MTCH1: variants seen among roughly 807,000 people sequenced by gnomAD.
MTCH1 encodes the protein mitochondrial carrier homolog 1.
A neutral mutation model predicts 49.3 loss-of-function variants in MTCH1; 23 were observed. The ratio of observed to expected loss-of-function variants is 0.47; its 90% CI spans 0.34 to 0.66. The LOEUF is 0.66. Among genes scored for constraint, MTCH1 ranks in the 30% least tolerant of loss-of-function variants. The probability of loss-of-function intolerance (pLI) is 0.01; values close to 1 mark genes in which losing one functional copy is unlikely to be tolerated. For synonymous variants in MTCH1, 229 were observed against 215.2 expected, an observed-to-expected ratio of 1.06 and a Z score of -0.56; for missense variants, 397 against 532.1, an observed-to-expected ratio of 0.75 and a Z score of 2.50.
rs189468192 is a variant in MTCH1 at position 36,984,060 on chromosome 6, A to C, written c.321+1793T>G. ...TTTCAAACCAGATCTGCCATCATCC[A>C]AATGATGAAGCCACTTCTTCATTTC... is the stretch of plus-strand genomic sequence containing the variant. On this transcript the variant is annotated intron_variant, in intron 1 of 11. Coordinates refer to ENST00000373627, the MANE Select transcript of MTCH1 (RefSeq NM_001271641.2). Among the ~76,000 whole-genome samples the C allele has an allele frequency of 4.9e-4, 74 of 152,196 alleles. No individual in the cohort carries two copies. The East Asian group carries it at 0.012, about 25-fold the overall frequency.
In MTCH1 at chr6:36,972,864, A is replaced by G. The variant is rs1763731572; in HGVS notation, c.762-68T>C. On this transcript the variant is annotated intron_variant, in intron 7 of 11. Transcript: ENST00000373627. This position sits in a 1 kb window ranked among gnomAD's most constrained non-coding sequence, Gnocchi z 4.1. ...AGCAGTTCCTGGGGGCTCCACACCC[A>G]GGAAGCAGGCAGGGATGTTCCGAGC... 2.1e-6 allele frequency: 3 copies of G among 1,455,926 alleles called. No individual in the cohort carries two copies. The highest frequency in any genetic ancestry group is 2.8e-6 in the Non-Finnish European group (3 of 1,071,864). The allele number at this position is 1,455,926 out of a possible 1,614,324, so 90.2% of individuals were successfully genotyped here.
At position 36,984,385 on chromosome 6, in the gene MTCH1, CT is replaced by C. The variant is rs1289355873; in HGVS notation, c.321+1467del. Among the ~76,000 whole-genome samples, 3 of 152,292 alleles carry C rather than the reference CT, an allele frequency of 2.0e-5. No individual in the cohort carries two copies. The East Asian group carries it at 5.8e-4, about 29-fold the overall frequency. On this transcript the variant is annotated intron_variant, in intron 1 of 11. Coordinates refer to ENST00000373627, the MANE Select transcript of MTCH1 (RefSeq NM_001271641.2). ...GGTCTAGTCAGGCACCTTGATGCCC[CT>C]GACTGAATCTCCTCATTCCTTGTCA...
chr6:36,971,959 G>A (rs1408908702), intron 8 of MTCH1, among the ~76,000 whole-genome samples: 1 of 152,168 alleles, frequency 6.6e-6, no homozygotes, highest in African/African-American at 2.4e-5. Context: ...CTGTGTAGAA[G>A]GACCAGGCCT....
rs1763647751 is a variant in MTCH1, at chr6:36,970,553, C to A, written c.955-80G>T. 8.7e-6 allele frequency: 14 copies of A among 1,607,306 alleles called. No individual in the cohort carries two copies. The African/African-American group carries it at 9.4e-5, about 11-fold the overall frequency. ...GACACACCACGCCAACACCCTGTAC[C>A]AAGACCTGCCTCCAGCCATTACCAG... is the stretch of plus-strand genomic sequence containing the variant. On this transcript the variant is annotated intron_variant, in intron 9 of 11. Transcript: ENST00000373627.
Position 36,968,641 on chromosome 6 carries a change from C to T in MTCH1, c.*262G>A. The T allele has an allele frequency of 1.8e-6, 1 of 542,258 alleles. No homozygotes were observed. Among genetic ancestry groups the T allele is most frequent in the Non-Finnish European group, 3.6e-6 (1 of 279,694 alleles). 33.6% of individuals were successfully genotyped at this position (542,258 alleles called of 1,614,324 possible). ...TCTGCACAAGACAGACTCAGCAAATCTGCGAGGTATGGGGATTCTGCCAAC... is the reference window on the plus strand; with the variant it reads ...TCTGCACAAGACAGACTCAGCAAATTTGCGAGGTATGGGGATTCTGCCAAC... On this transcript the variant is annotated 3_prime_UTR_variant, in exon 12 of 12. Coordinates refer to ENST00000373627, the MANE Select transcript of MTCH1 (RefSeq NM_001271641.2).
intron 7 of MTCH1, 116 bp downstream of exon 7, chr6:36,975,542 A>T: frequency 1.0e-6 from 1 of 980,210 alleles, no homozygotes; most frequent in Non-Finnish European, 1.6e-6. Flanking sequence ...CACTCAGGCT[A>T]GGGCAGGGCC....
rs1481315926 is a variant in MTCH1 at position 36,968,313 on chromosome 6, A to G, written c.*590T>C. On this transcript the variant is annotated 3_prime_UTR_variant, in exon 12 of 12. Coordinates refer to ENST00000373627, the MANE Select transcript of MTCH1 (RefSeq NM_001271641.2). ...CCATTAAACAGATGAGCATTAGATG[A>G]GGAGGACACATTCTGAGTAGTTGCA... 1 of 225,064 alleles carries G rather than the reference A, an allele frequency of 4.4e-6. No individual in the cohort carries two copies. The highest frequency in any genetic ancestry group is 1.1e-4 in the East Asian group (1 of 8,696). 13.9% of individuals were successfully genotyped at this position (225,064 alleles called of 1,614,324 possible).
At chr6:36,970,913 G>A (rs764876686) in intron 8 of MTCH1, 30 of 601,878 alleles carry the variant, frequency 5.0e-5, no homozygotes, top group Non-Finnish European at 8.7e-5. Flanking sequence ...CCGGTAAGAG[G>A]GATCAGCTGC....
rs568712653 is a variant in MTCH1 at position 36,970,248 on chromosome 6, G to T, written c.1023-134C>A. On this transcript the variant is annotated intron_variant, in intron 10 of 11. Transcript: ENST00000373627. ...CCCCTGACACCACAGTTTACCCCAG[G>T]GGGTGCTGGGAAATCCCAGCGGAAG... 7.0e-6 allele frequency: 10 copies of T among 1,420,274 alleles called. No individual in the cohort carries two copies. The East Asian group carries it at 2.1e-4, about 30-fold the overall frequency. 88.0% of individuals were successfully genotyped at this position (1,420,274 alleles called of 1,614,324 possible).
chr6:36,978,051 T>C (rs1450409352), intron 4 of MTCH1, 27 bp downstream of exon 4: 2 of 1,582,172 alleles, frequency 1.3e-6, no homozygotes, highest in Non-Finnish European at 1.7e-6. Flanking sequence ...TCCACGCACC[T>C]CTCCCTCTCC....
At chr6:36,974,104 ATATG>A (rs1171902646) in intron 7 of MTCH1, among the ~76,000 whole-genome samples, 1 of 152,212 alleles carries the variant, frequency 6.6e-6, no homozygotes, top group Non-Finnish European at 1.5e-5. Context: ...ATGTGCAAAT[ATATG>A]TATGTATAAA....
At chr6:36,976,532 C>T in intron 6 of MTCH1, 1 of 471,172 alleles carries the variant, frequency 2.1e-6, no homozygotes, top group Non-Finnish European at 4.4e-6. Flanking sequence ...GCCAATTTCC[C>T]ATTAATGACC....
In MTCH1 at chr6:36,968,340, G is replaced by C; in HGVS notation, c.*563C>G. 4.1e-6 allele frequency: 1 copy of C among 242,718 alleles called. No homozygotes were observed. 15.0% of individuals were successfully genotyped at this position (242,718 alleles called of 1,614,324 possible). ...GAGGACACATTCTGAGTAGTTGCAT[G>C]ATTTCCCATTCAGAGGCAGGTGCTG... On this transcript the variant is annotated 3_prime_UTR_variant, in exon 12 of 12. Transcript: ENST00000373627.
Position 36,977,362 on chromosome 6 carries a change from G to A in MTCH1, c.650-112C>T. ...GCCACTGAACAACGTGGCCTATTCA[G>A]AGAGCAGGAGAGGAAGAGGGCCTTT... On this transcript the variant is annotated intron_variant, in intron 5 of 11. Transcript: ENST00000373627. The surrounding 1 kb of genome is among the most constrained non-coding windows in gnomAD (Gnocchi z 5.4). 2 of 1,097,212 alleles carry A rather than the reference G, an allele frequency of 1.8e-6. No homozygotes were observed. Among genetic ancestry groups the A allele is most frequent in the Non-Finnish European group, 2.7e-6 (2 of 731,550 alleles). The allele number at this position is 1,097,212 out of a possible 1,614,324, so 68.0% of individuals were successfully genotyped here. A position where few individuals can be genotyped will look rare whatever the true frequency, so the allele number is the denominator to read the frequency against.
chr6:36,970,704 C>G lies in MTCH1; in HGVS notation c.907-10G>C, dbSNP rs771239812. ...CCAGGGCCTGGCTGAACTGAGGAGA[C>G]AGAAGGGAAGAGTGGTTTGCCACAG... is the stretch of plus-strand genomic sequence containing the variant. On this transcript the variant is annotated splice_polypyrimidine_tract_variant and intron_variant, in intron 8 of 11. Coordinates refer to ENST00000373627, the MANE Select transcript of MTCH1 (RefSeq NM_001271641.2). 6.2e-7 allele frequency: 1 copy of G among 1,613,902 alleles called. No homozygotes were observed. Among genetic ancestry groups the G allele is most frequent in the Non-Finnish European group, 8.5e-7 (1 of 1,179,936 alleles).
chr6:36,974,871 TACC>T (rs1763810499), intron 7 of MTCH1, among the ~76,000 whole-genome samples: 1 of 152,188 alleles, frequency 6.6e-6, no homozygotes. Context: ...ACCATGTGTC[TACC>T]ACGTTTGTGA....
At chr6:36,978,360 G>A (rs899160127) in intron 3 of MTCH1, 145 bp downstream of exon 3, 1 of 882,408 alleles carries the variant, frequency 1.1e-6, no homozygotes, top group Non-Finnish European at 1.8e-6. Context: ...CAGAACTGTG[G>A]GGTGGGAGCT....
intron 1 of MTCH1, among the ~76,000 whole-genome samples, chr6:36,983,195 G>A (rs1289952086): frequency 6.6e-6 from 1 of 152,184 alleles, no homozygotes; most frequent in Non-Finnish European, 1.5e-5. Context: ...TTGACCCAGT[G>A]GAGCAAAGGA....
At position 36,972,720 on chromosome 6, in the gene MTCH1, A is replaced by G; in HGVS notation, c.838T>C (p.Tyr280His). 1 of 1,553,042 alleles carries G rather than the reference A, an allele frequency of 6.4e-7. No individual in the cohort carries two copies. The highest frequency in any genetic ancestry group is 1.2e-5 in the South Asian group (1 of 84,102). ...CNLLAHFINA[Y>H]LVDDSVSDTP... The stretch of plus-strand genomic sequence containing the variant: ...TCACTCACGCTGTCATCCACCAGGT[A>G]GGCATTGATGAAGTGGGCCAGCAGG... Residue 280 changes from tyrosine to histidine, a missense_variant, in exon 8 of 12, where the codon TAC becomes CAC. Physicochemically the swap from Tyr to His is moderately conservative, Grantham distance 83. Coordinates refer to ENST00000373627, the MANE Select transcript of MTCH1 (RefSeq NM_001271641.2). The surrounding 1 kb of genome is among the most constrained non-coding windows in gnomAD (Gnocchi z 4.1).
Sources: gnomAD v4.1 joint callset for allele counts (sites outside exome capture counted in the v4.1 genomes callset) on GRCh38, gnomAD v4.1.1 for gene constraint, Gnocchi (gnomAD v3.1) non-coding constraint, MANE v1.5 for transcripts, NCBI Gene and HGNC (gene_info 2026-07-23, HGNC 2026-07-21) for gene names.